The following WDPCP variants were observed in gnomAD, a reference collection of about 807,000 sequenced individuals.
WDPCP encodes WD repeat containing planar cell polarity effector, also known as WD repeat-containing and planar cell polarity effector protein fritz homolog.
WDPCP carries 71 observed loss-of-function variants against 93.1 expected under a neutral mutation model. That is an observed-to-expected ratio of 0.76 (90% CI 0.63 to 0.93). The LOEUF (loss-of-function observed/expected upper bound fraction) is 0.93, where lower values mean the gene tolerates loss of function less well. Ranked by LOEUF, WDPCP falls within the 40% of genes least tolerant of loss-of-function variation. The pLI is 0.00. For synonymous variants in WDPCP, 315 were observed against 315.0 expected (o/e 1.00, Z 0.00); for missense variants, 844 against 887.4 (o/e 0.95, Z 0.62).
At chr2:63,830,359 T>C (rs1361453998), upstream of WDPCP, among the ~76,000 whole-genome samples, 1 of 152,116 alleles carries the variant, frequency 6.6e-6, no homozygotes, top group Non-Finnish European at 1.5e-5. Context: ...CTTATTTTGC[T>C]AGAACATTTC....
chr2:63,426,380 G>C (rs546951470), intron 9 of WDPCP, among the ~76,000 whole-genome samples: 14 of 152,144 alleles, frequency 9.2e-5, no homozygotes, highest in African/African-American at 3.1e-4. Flanking sequence ...GAAGAAATAG[G>C]TTAGGGGCCT....
At chr2:63,838,999 G>A in the WDPCP span, among the ~76,000 whole-genome samples, 1 of 152,214 alleles carries the variant, frequency 6.6e-6, no homozygotes, top group Non-Finnish European at 1.5e-5. Flanking sequence ...CTTCTAGAGT[G>A]CTACTTCTCT....
chr2:63,563,218 G>A (rs1167002645), intron 1 of WDPCP, among the ~76,000 whole-genome samples: 1 of 152,012 alleles, frequency 6.6e-6, no homozygotes, highest in Non-Finnish European at 1.5e-5. Flanking sequence ...AATAGAACAA[G>A]TGAGACACAG....
intron 13 of WDPCP, among the ~76,000 whole-genome samples, chr2:63,298,373 A>C (rs974957522): frequency 5.9e-5 from 9 of 151,930 alleles, no homozygotes; most frequent in Non-Finnish European, 1.3e-4. Flanking sequence ...GTGTCGCCAG[A>C]AGAGATTAAC....
intron 13 of WDPCP, among the ~76,000 whole-genome samples, chr2:63,278,711 C>T (rs978195641): frequency 6.6e-6 from 1 of 152,084 alleles, no homozygotes; most frequent in Non-Finnish European, 1.5e-5. Context: ...CCTGTAGTCC[C>T]AGCTACCAGG....
At chr2:63,711,140 A>G (rs1669256242) in intron 2 of WDPCP, among the ~76,000 whole-genome samples, 2 of 152,210 alleles carry the variant, frequency 1.3e-5, no homozygotes, top group South Asian at 2.1e-4. Context: ...GGACCAAAGG[A>G]AAAAGTTTAT....
intron 6 of WDPCP, among the ~76,000 whole-genome samples, chr2:63,454,687 T>C (rs1698505233): frequency 6.6e-6 from 1 of 152,052 alleles, no homozygotes; most frequent in South Asian, 2.1e-4. Context: ...GCAAGAGATT[T>C]AGACATCCAG....
chr2:63,373,254 G>GTGT (rs1553367130), intron 12 of WDPCP, among the ~76,000 whole-genome samples: 7 of 143,530 alleles, frequency 4.9e-5, no homozygotes, highest in Non-Finnish European at 9.0e-5. Flanking sequence ...TTTTTTTGTT[G>GTGT]TTTTTTTTTT....
chr2:63,381,905 CCTT>C lies in WDPCP; in HGVS notation c.1622_1624del (p.Glu541del). On this transcript the variant is annotated inframe_deletion and splice_region_variant, in exon 11 of 18. Transcript: ENST00000272321. ...TCAATGAAAAATATTTCAAGTCTGA[CCTT>C]CTCTCTCTGGAGTGAGCTTCTGTCT... 4 of 1,613,110 alleles carry C rather than the reference CCTT, an allele frequency of 2.5e-6. No homozygotes were observed. The highest frequency in any genetic ancestry group is 3.4e-6 in the Non-Finnish European group (4 of 1,179,432).
chr2:63,695,407 T>A (rs1228078109), intron 2 of WDPCP, among the ~76,000 whole-genome samples: 1 of 152,214 alleles, frequency 6.6e-6, no homozygotes, highest in Admixed American at 6.5e-5. Context: ...GGACAACCAG[T>A]TAAATTTGAA....
At chr2:63,597,702 T>G in intron 3 of WDPCP, 3 of 811,842 alleles carry the variant, frequency 3.7e-6, no homozygotes, top group Non-Finnish European at 5.1e-6. Context: ...TAAATACGGC[T>G]CTAGAGTTTT....
At chr2:63,125,070 T>C (rs1330786255) in intron 17 of WDPCP, among the ~76,000 whole-genome samples, 3 of 152,188 alleles carry the variant, frequency 2.0e-5, no homozygotes, top group Admixed American at 2.0e-4. Context: ...CTACTGAACA[T>C]TGTGAAATTG....
chr2:63,469,364 TATAA>T (rs1293104898), intron 6 of WDPCP, among the ~76,000 whole-genome samples: 1 of 152,242 alleles, frequency 6.6e-6, no homozygotes, highest in Non-Finnish European at 1.5e-5. Flanking sequence ...CCCAAAGGAA[TATAA>T]ATAGTTCTAT....
At chr2:63,795,862 G>A (rs11694709) in intron 2 of WDPCP, among the ~76,000 whole-genome samples, 31,859 of 152,106 alleles carry the variant, frequency 0.21, 3,713 homozygotes, top group Middle Eastern at 0.28. Context: ...ATCCATCTCC[G>A]ATTATTCCTT....
At chr2:63,553,059 C>T (rs1315993907) in intron 1 of WDPCP, among the ~76,000 whole-genome samples, 1 of 152,150 alleles carries the variant, frequency 6.6e-6, no homozygotes, top group Non-Finnish European at 1.5e-5. Context: ...GGAAAAGCAT[C>T]CAACAGACTC....
intron 2 of WDPCP, among the ~76,000 whole-genome samples, chr2:63,720,014 G>A (rs547365743): frequency 2.6e-5 from 4 of 152,202 alleles, no homozygotes; most frequent in African/African-American, 9.6e-5. Flanking sequence ...GGGTAGATGG[G>A]TAATTGACCT....
chr2:63,221,155 C>CT (rs1414328105), intron 14 of WDPCP, among the ~76,000 whole-genome samples: 1 of 152,036 alleles, frequency 6.6e-6, no homozygotes, highest in Non-Finnish European at 1.5e-5. Context: ...TAGTATATGC[C>CT]TATTTTTCAA....
intron 14 of WDPCP, among the ~76,000 whole-genome samples, chr2:63,223,414 C>T (rs1242002397): frequency 1.3e-5 from 2 of 152,134 alleles, no homozygotes; most frequent in Non-Finnish European, 1.5e-5. Context: ...GATTGGCACT[C>T]ACAAACTAGC....
At chr2:63,642,763 A>C (rs555749402) in intron 3 of WDPCP, 1 of 152,134 alleles carries the variant, frequency 6.6e-6, no homozygotes, top group African/African-American at 2.4e-5. Context: ...TATCATCTTC[A>C]AACAATGATA....
Sources: allele counts gnomAD v4.1 joint callset (sites outside exome capture counted in the v4.1 genomes callset), GRCh38; gene constraint gnomAD v4.1.1; transcripts MANE v1.5; gene names NCBI Gene and HGNC (gene_info 2026-07-23, HGNC 2026-07-21).